The following LDLRAD4 variants were observed in gnomAD, a reference collection of about 807,000 sequenced individuals.
LDLRAD4 encodes low density lipoprotein receptor class A domain containing 4, also known as low-density lipoprotein receptor class A domain-containing protein 4.
In LDLRAD4, 5 loss-of-function variants were observed where a neutral mutation model predicts 17.0. The observed-to-expected ratio is 0.29, with a 90% CI of 0.15 to 0.62. The LOEUF is 0.62. LDLRAD4 is among the 20% of genes least tolerant of loss of function. LDLRAD4 has a pLI of 0.84. For synonymous variants in LDLRAD4, 168 were observed against 171.8 expected (o/e 0.98, Z 0.17); for missense variants, 340 against 424.7 (o/e 0.80, Z 1.75).
At chr18:13,315,172 G>A (rs1018317869) in intron 1 of LDLRAD4, among the ~76,000 whole-genome samples, 6 of 152,118 alleles carry the variant, frequency 3.9e-5, no homozygotes, top group African/African-American at 1.2e-4. Flanking sequence ...AAAAGACCGG[G>A]ACTCAGCCTT....
intron 2 of LDLRAD4, among the ~76,000 whole-genome samples, chr18:13,416,602 G>C (rs1416804531): frequency 6.6e-6 from 1 of 152,138 alleles, no homozygotes. Flanking sequence ...GTGTTTCTTG[G>C]TATGATGCTG....
intron 3 of LDLRAD4, among the ~76,000 whole-genome samples, chr18:13,463,673 C>A (rs1297834478): frequency 1.3e-5 from 2 of 152,158 alleles, no homozygotes; most frequent in African/African-American, 2.4e-5. Flanking sequence ...AGGGCAGTCA[C>A]CCAACAGCGT....
chr18:13,531,587 CTTTTTTT>C (rs10680224), intron 3 of LDLRAD4, among the ~76,000 whole-genome samples: 1 of 124,618 alleles, frequency 8.0e-6, no homozygotes, highest in African/African-American at 3.0e-5. Context: ...AAGACTCCAT[CTTTTTTT>C]TTTTTTTTTT....
Position 13,345,475 on chromosome 18 carries a change from T to G in LDLRAD4, c.-382-41866T>G, listed in dbSNP as rs187759927. On this transcript the variant is annotated intron_variant, in intron 1 of 5. Coordinates refer to ENST00000359446, the Ensembl canonical transcript of LDLRAD4. ...TAAACTTTTTGATGTGCTGCTGGAT[T>G]CGGTTTGCCAGTTTTTTATTGAGGA... 1.5e-3 allele frequency among the ~76,000 whole-genome samples: 222 copies of G among 152,338 alleles called. 2 individuals are homozygous for G. Among genetic ancestry groups the G allele is most frequent in the Non-Finnish European group, 2.4e-3 (160 of 68,020 alleles).
chr18:13,515,694 A>G (rs553248342), intron 3 of LDLRAD4: 3 of 152,374 alleles, frequency 2.0e-5, no homozygotes, highest in South Asian at 2.1e-4. Context: ...ACAATGACAC[A>G]AGATTTGGAG....
At chr18:13,616,289 T>G (rs2040074844) in intron 3 of LDLRAD4, 1 of 150,680 alleles carries the variant, frequency 6.6e-6, no homozygotes, top group South Asian at 2.1e-4. Flanking sequence ...CTCGTGAGCT[T>G]GAAAGGGGGT....
rs186126106 is a variant in LDLRAD4, at chr18:13,260,870, C to G, written c.-466-17235C>G. Among the ~76,000 whole-genome samples, 8 of 152,328 alleles carry G rather than the reference C, an allele frequency of 5.3e-5. No individual in the cohort carries two copies. In the East Asian group the frequency reaches 1.5e-3, roughly 29 times the overall value. ...TTGTGGATGCCATGGCACCTAGAAACCAACTGGATGCAGTTGAATGTGCCT... is the reference window on the plus strand; with the variant it reads ...TTGTGGATGCCATGGCACCTAGAAAGCAACTGGATGCAGTTGAATGTGCCT... On this transcript the variant is annotated intron_variant, in intron 1 of 5. Coordinates refer to the LDLRAD4 transcript ENST00000399848.
chr18:13,452,509 G>A (rs1024152628), intron 3 of LDLRAD4, among the ~76,000 whole-genome samples: 7 of 152,116 alleles, frequency 4.6e-5, no homozygotes, highest in South Asian at 2.1e-4. Context: ...AGATGTGGAC[G>A]GAAGAACTCC....
chr18:13,219,955 A>G (rs1015830378), intron 1 of LDLRAD4, among the ~76,000 whole-genome samples: 5 of 152,216 alleles, frequency 3.3e-5, no homozygotes, highest in Admixed American at 1.3e-4. Context: ...ACTCTGCACA[A>G]TTCTTCTGGA....
chr18:13,579,925 G>C (rs1346316656), intron 3 of LDLRAD4, among the ~76,000 whole-genome samples: 1 of 152,178 alleles, frequency 6.6e-6, no homozygotes, highest in Admixed American at 6.5e-5. Context: ...CAGGGCTGCT[G>C]TCCGATGCTG....
intron 3 of LDLRAD4, among the ~76,000 whole-genome samples, chr18:13,620,168 C>T (rs939960953): frequency 9.2e-5 from 14 of 152,306 alleles, no homozygotes; most frequent in Admixed American, 6.5e-4. Context: ...ATACACTTGA[C>T]AGATATGCCT....
At chr18:13,649,123 A>G (rs557726620) in exon 6 of LDLRAD4, 1 of 152,318 alleles carries the variant, frequency 6.6e-6, no homozygotes, top group East Asian at 1.9e-4. Flanking sequence ...CTGCATTTCC[A>G]TTCACTAATT....
At chr18:13,349,719 A>C (rs189349459) in intron 1 of LDLRAD4, among the ~76,000 whole-genome samples, 9 of 152,290 alleles carry the variant, frequency 5.9e-5, no homozygotes, top group African/African-American at 2.2e-4. Flanking sequence ...GCACCTATCA[A>C]CCTGTCGTCT....
intron 1 of LDLRAD4, among the ~76,000 whole-genome samples, chr18:13,386,868 C>T (rs374024027): frequency 1.1e-4 from 16 of 151,282 alleles, no homozygotes; most frequent in South Asian, 8.4e-4. Flanking sequence ...CCAGCCTGGG[C>T]GGCTTAGTGA....
chr18:13,252,093 T>C (rs1598908398), intron 1 of LDLRAD4, among the ~76,000 whole-genome samples: 1 of 152,096 alleles, frequency 6.6e-6, no homozygotes, highest in Non-Finnish European at 1.5e-5. Flanking sequence ...TGTATTAGAA[T>C]ATATCTCTTG....
At chr18:13,354,279 A>G (rs888176462) in intron 1 of LDLRAD4, among the ~76,000 whole-genome samples, 3 of 152,164 alleles carry the variant, frequency 2.0e-5, no homozygotes, top group Non-Finnish European at 2.9e-5. Context: ...GGAGAATGCA[A>G]TAAGAATTGT....
At chr18:13,533,802 G>A (rs1486184936) in intron 3 of LDLRAD4, among the ~76,000 whole-genome samples, 3 of 152,144 alleles carry the variant, frequency 2.0e-5, no homozygotes, top group Non-Finnish European at 1.5e-5. Context: ...GAATTAAAGG[G>A]ACTTTTAAGT....
chr18:13,579,051 G>A (rs992711982), intron 3 of LDLRAD4, among the ~76,000 whole-genome samples: 6 of 151,748 alleles, frequency 4.0e-5, no homozygotes, highest in South Asian at 2.1e-4. Context: ...TTAGTCAGAC[G>A]TGATGGCACG....
intron 2 of LDLRAD4, among the ~76,000 whole-genome samples, chr18:13,421,714 G>C (rs1191407605): frequency 6.6e-6 from 1 of 152,182 alleles, no homozygotes; most frequent in Non-Finnish European, 1.5e-5. Flanking sequence ...CCACCGCCCT[G>C]TTGTTTCCCT....
Sources: allele counts gnomAD v4.1 joint callset (sites outside exome capture counted in the v4.1 genomes callset), GRCh38; gene constraint gnomAD v4.1.1; transcripts MANE v1.5; gene names NCBI Gene and HGNC (gene_info 2026-07-23, HGNC 2026-07-21).